The following PATJ variants were observed in gnomAD, a reference collection of about 807,000 sequenced individuals.
The protein encoded by PATJ is PATJ crumbs cell polarity complex component, also known as inaD-like protein.
In PATJ, 190 loss-of-function variants were observed where a neutral mutation model predicts 224.9. That is an observed-to-expected ratio of 0.84 (90% confidence interval 0.75 to 0.95). The LOEUF (loss-of-function observed/expected upper bound fraction) is 0.95. Ranked by LOEUF, PATJ falls within the 40% of genes least tolerant of loss-of-function variation. PATJ has a pLI of 0.00. For missense variants in PATJ, 2,121 were observed against 2,270.3 expected (o/e 0.93, Z 1.34); for synonymous variants, 769 against 820.3 (o/e 0.94, Z 1.07).
intron 21 of PATJ, among the ~76,000 whole-genome samples, chr1:61,877,877 G>A (rs1192783647): frequency 1.3e-5 from 2 of 152,144 alleles, no homozygotes; most frequent in African/African-American, 2.4e-5. Context: ...ACCATTACCT[G>A]ATTACAGAGG....
intron 22 of PATJ, among the ~76,000 whole-genome samples, chr1:61,886,681 A>G (rs1048526460): frequency 6.6e-6 from 1 of 151,778 alleles, no homozygotes; most frequent in African/African-American, 2.4e-5. Context: ...TTAGCCAGGC[A>G]TGGTGGTGTG....
chr1:61,939,344 C>CACACACAG (rs1414528096), intron 27 of PATJ, among the ~76,000 whole-genome samples: 85 of 107,468 alleles, frequency 7.9e-4, no homozygotes, highest in Non-Finnish European at 1.1e-3. Context: ...CACACACACA[C>CACACACAG]AGTCAGAAGA....
chr1:61,745,875 A>G (rs1644997982), intron 1 of PATJ, among the ~76,000 whole-genome samples: 2 of 151,828 alleles, frequency 1.3e-5, no homozygotes, highest in African/African-American at 4.8e-5. Flanking sequence ...AAGTGCTGGG[A>G]TTACAGGCGT....
chr1:61,874,548 C>T (rs1028690785), intron 20 of PATJ, among the ~76,000 whole-genome samples: 2 of 152,178 alleles, frequency 1.3e-5, no homozygotes, highest in African/African-American at 2.4e-5. Context: ...CAGGGCTCTG[C>T]CCTCATAACT....
At chr1:62,079,307 C>G (rs1658863946) in intron 31 of PATJ, 143 bp from the exon 32 acceptor site, 3 of 601,464 alleles carry the variant, frequency 5.0e-6, no homozygotes, top group Non-Finnish European at 8.9e-6. Flanking sequence ...ATCATCCTAA[C>G]TTCTTGCCAC....
intron 38 of PATJ, among the ~76,000 whole-genome samples, chr1:62,121,600 T>C (rs1665056957): frequency 6.6e-6 from 1 of 151,728 alleles, no homozygotes; most frequent in South Asian, 2.1e-4. Flanking sequence ...ACCCCGTCTC[T>C]ATTAAAATAC....
intron 40 of PATJ, 114 bp from the exon 41 acceptor site, chr1:62,128,727 G>A: frequency 1.3e-6 from 1 of 785,544 alleles, no homozygotes; most frequent in Non-Finnish European, 2.2e-6. Flanking sequence ...TAGTAACGCA[G>A]AATCCTCACA....
At chr1:62,097,923 A>G (rs1402033138) in intron 33 of PATJ, among the ~76,000 whole-genome samples, 1 of 152,164 alleles carries the variant, frequency 6.6e-6, no homozygotes, top group Non-Finnish European at 1.5e-5. Flanking sequence ...ACTCTACACA[A>G]CATTTGGGTT....
intron 28 of PATJ, among the ~76,000 whole-genome samples, chr1:61,996,462 A>G (rs1401394077): frequency 6.6e-6 from 1 of 152,198 alleles, no homozygotes; most frequent in Non-Finnish European, 1.5e-5. Flanking sequence ...ATAAATCACT[A>G]GCTTCTGTGT....
At chr1:61,808,357 C>T (rs371483058) in intron 13 of PATJ, 117 bp from the exon 14 acceptor site, 19 of 669,110 alleles carry the variant, frequency 2.8e-5, no homozygotes, top group Middle Eastern at 3.0e-4. Flanking sequence ...AGAAAGGTAT[C>T]GGAATGTAGG....
At chr1:61,948,773 A>G (rs1293929748) in intron 27 of PATJ, among the ~76,000 whole-genome samples, 3 of 152,202 alleles carry the variant, frequency 2.0e-5, no homozygotes, top group Non-Finnish European at 4.4e-5. Flanking sequence ...ACGTATGTTT[A>G]TTGTGGCACT....
chr1:61,944,057 C>T (rs1430892031), intron 27 of PATJ, among the ~76,000 whole-genome samples: 1 of 152,138 alleles, frequency 6.6e-6, no homozygotes, highest in Non-Finnish European at 1.5e-5. Context: ...CACACCAAAA[C>T]CCCATTGGTA....
intron 22 of PATJ, among the ~76,000 whole-genome samples, chr1:61,892,079 A>G (rs1669682541): frequency 6.6e-6 from 1 of 152,190 alleles, no homozygotes; most frequent in African/African-American, 2.4e-5. Context: ...GTGTCAGGTA[A>G]TAATTTGCTC....
intron 14 of PATJ, 58 bp downstream of exon 14, chr1:61,808,588 A>T: frequency 1.8e-6 from 2 of 1,087,082 alleles, no homozygotes; most frequent in Non-Finnish European, 2.8e-6. Flanking sequence ...ATAGGGTCTC[A>T]CTATGTTGTC....
chr1:61,988,899 A>C (rs1451693668), intron 27 of PATJ, among the ~76,000 whole-genome samples: 1 of 152,232 alleles, frequency 6.6e-6, no homozygotes, highest in East Asian at 1.9e-4. Context: ...CAGCAAATGT[A>C]ATATAAGTGA....
chr1:62,154,288 C>T (rs2476201), intron 43 of PATJ, among the ~76,000 whole-genome samples: 105,151 of 151,954 alleles, frequency 0.69, 37,994 homozygotes, highest in East Asian at 0.99. Flanking sequence ...CAAATTGATA[C>T]TACAGTTTTT....
intron 14 of PATJ, among the ~76,000 whole-genome samples, chr1:61,809,464 C>T (rs537943497): frequency 9.0e-4 from 136 of 150,752 alleles, no homozygotes; most frequent in African/African-American, 3.1e-3. Context: ...CTTGGCTCAC[C>T]GCAACCTCTG....
intron 33 of PATJ, among the ~76,000 whole-genome samples, chr1:62,094,527 G>A (rs1479441801): frequency 6.8e-6 from 1 of 148,034 alleles, no homozygotes; most frequent in East Asian, 2.0e-4. Flanking sequence ...TTATAGGCAT[G>A]AACCACTGAA....
At chr1:61,851,116 T>A (rs2148885326) in intron 17 of PATJ, among the ~76,000 whole-genome samples, 1 of 152,322 alleles carries the variant, frequency 6.6e-6, no homozygotes, top group South Asian at 2.1e-4. Context: ...TAGTAGGAAG[T>A]AATTTAAAGG....
Sources: gnomAD v4.1 joint callset for allele counts (sites outside exome capture counted in the v4.1 genomes callset) on GRCh38, gnomAD v4.1.1 for gene constraint, MANE v1.5 for transcripts, NCBI Gene and HGNC (gene_info 2026-07-23, HGNC 2026-07-21) for gene names.